Variants in DCTN6 observed in about 807,000 individuals in gnomAD.
The protein encoded by DCTN6 is dynactin 6.
A neutral mutation model predicts 25.8 loss-of-function variants in DCTN6; 15 were observed. The ratio of observed to expected loss-of-function variants is 0.58; its 90% CI spans 0.39 to 0.89. DCTN6 has a LOEUF of 0.89. Ranked by LOEUF, DCTN6 falls within the 40% of genes least tolerant of loss-of-function variation. The pLI, the probability that DCTN6 is intolerant of heterozygous loss-of-function variation, is 0.00. For synonymous variants in DCTN6, 64 were observed against 78.3 expected, an observed-to-expected ratio of 0.82 and a Z score of 0.96; for missense variants, 198 against 237.6, an observed-to-expected ratio of 0.83 and a Z score of 1.09.
intron 4 of DCTN6, among the ~76,000 whole-genome samples, chr8:30,178,626 A>G (rs1384069506): frequency 6.6e-6 from 1 of 152,152 alleles, no homozygotes; most frequent in Non-Finnish European, 1.5e-5. Flanking sequence ...AGCATTAAGC[A>G]GTCATTTAAA....
chr8:30,180,281 TAGC>T (rs1378945015), intron 5 of DCTN6, among the ~76,000 whole-genome samples: 36 of 152,230 alleles, frequency 2.4e-4, no homozygotes, highest in African/African-American at 8.4e-4. Flanking sequence ...GTCACACAAA[TAGC>T]AGCAGAGCTC....
chr8:30,179,584 C>A, intron 5 of DCTN6, 129 bp downstream of exon 5: 1 of 688,724 alleles, frequency 1.5e-6, no homozygotes, highest in Non-Finnish European at 2.4e-6. Context: ...AGCTGGCGAA[C>A]TAATTGTTTG....
chr8:30,159,830 C>T (rs1803575100), intron 1 of DCTN6, among the ~76,000 whole-genome samples: 1 of 150,956 alleles, frequency 6.6e-6, no homozygotes, highest in African/African-American at 2.4e-5. Flanking sequence ...GGTGCAATCT[C>T]AGCTCACTGC....
chr8:30,156,705 G>A (rs1198914148), intron 1 of DCTN6, among the ~76,000 whole-genome samples: 1 of 152,166 alleles, frequency 6.6e-6, no homozygotes, highest in Non-Finnish European at 1.5e-5. Context: ...GCTGTGAGGG[G>A]AGGGTGACGT....
chr8:30,169,234 T>G (rs1672629796), intron 2 of DCTN6, among the ~76,000 whole-genome samples: 1 of 152,188 alleles, frequency 6.6e-6, no homozygotes, highest in Admixed American at 6.5e-5. Context: ...TATAAAGCAC[T>G]CTTACAGGTA....
At chr8:30,158,257 A>G (rs937593917) in intron 1 of DCTN6, among the ~76,000 whole-genome samples, 26 of 152,240 alleles carry the variant, frequency 1.7e-4, no homozygotes, top group African/African-American at 4.8e-5. Context: ...CATAATGAGA[A>G]GGAAGCTGAG....
chr8:30,158,192 GTCTC>G (rs1318224918), intron 1 of DCTN6, among the ~76,000 whole-genome samples: 2 of 152,308 alleles, frequency 1.3e-5, no homozygotes, highest in East Asian at 3.9e-4. Context: ...GCATTTGTGA[GTCTC>G]TCCTACTCTC....
intron 2 of DCTN6, among the ~76,000 whole-genome samples, chr8:30,167,223 T>A (rs1000824904): frequency 5.9e-5 from 9 of 152,104 alleles, no homozygotes; most frequent in African/African-American, 9.7e-5. Context: ...TCCCAGCTAC[T>A]TGAGAGGGCT....
At chr8:30,175,043 A>G (rs1803812367) in intron 2 of DCTN6, 42 bp from the exon 3 acceptor site, 3 of 1,569,246 alleles carry the variant, frequency 1.9e-6, no homozygotes, top group Non-Finnish European at 2.6e-6. Flanking sequence ...TGTTGGAAGC[A>G]TAGCCTCCAC....
At chr8:30,160,263 C>G (rs1008245972) in intron 1 of DCTN6, among the ~76,000 whole-genome samples, 5 of 152,182 alleles carry the variant, frequency 3.3e-5, no homozygotes, top group African/African-American at 1.2e-4. Flanking sequence ...CCGTTTCCCC[C>G]ATCCTGTTCT....
intron 3 of DCTN6, among the ~76,000 whole-genome samples, chr8:30,175,462 A>T (rs1803818700): frequency 6.6e-6 from 1 of 151,436 alleles, no homozygotes; most frequent in Non-Finnish European, 1.5e-5. Flanking sequence ...TATCTCACCC[A>T]TTCCTTAAGC....
intron 1 of DCTN6, among the ~76,000 whole-genome samples, chr8:30,158,028 C>G (rs1803549754): frequency 1.4e-5 from 2 of 144,324 alleles, no homozygotes. Flanking sequence ...GCTCACCTCT[C>G]TGCTCCCACC....
At chr8:30,174,994 C>T in intron 2 of DCTN6, 91 bp from the exon 3 acceptor site, 1 of 1,197,184 alleles carries the variant, frequency 8.4e-7, no homozygotes, top group South Asian at 1.3e-5. Context: ...AATGTTCCTC[C>T]CAACAGCCTC....
chr8:30,174,468 G>A (rs1803804828), intron 2 of DCTN6, among the ~76,000 whole-genome samples: 1 of 152,022 alleles, frequency 6.6e-6, no homozygotes, highest in African/African-American at 2.4e-5. Flanking sequence ...AAGTAGCTGG[G>A]ACTACAGGCG....
intron 2 of DCTN6, among the ~76,000 whole-genome samples, chr8:30,174,591 C>T (rs1803806550): frequency 6.6e-6 from 1 of 152,144 alleles, no homozygotes; most frequent in South Asian, 2.1e-4. Context: ...CCGCCTTGGC[C>T]TCCACATTTC....
intron 3 of DCTN6, among the ~76,000 whole-genome samples, chr8:30,176,108 C>G (rs1487656210): frequency 6.6e-6 from 1 of 152,198 alleles, no homozygotes; most frequent in Non-Finnish European, 1.5e-5. Flanking sequence ...GTTTCACAAT[C>G]CCAAATGATT....
chr8:30,180,467 C>A, intron 5 of DCTN6, 21 bp from the exon 6 acceptor site: 1 of 1,602,942 alleles, frequency 6.2e-7, no homozygotes, highest in African/African-American at 1.3e-5. Flanking sequence ...AGTTGCAGTT[C>A]TTTCTGTGTT....
At position 30,183,583 on chromosome 8, in the gene DCTN6, C is replaced by A. The variant is rs1271103249; in HGVS notation, c.*410C>A. The A allele has an allele frequency of 6.5e-6, 1 of 152,736 alleles. No homozygotes were observed. Among genetic ancestry groups the A allele is most frequent in the Non-Finnish European group, 1.5e-5 (1 of 68,518 alleles). The allele number at this position is 152,736 out of a possible 1,614,324, so 9.5% of individuals were successfully genotyped here. ...AATCAGTTTTTCTCCTTGAATTAATCTTTTCTCTTAATTTTTATTATGTAC... is the reference window on the plus strand; with the variant it reads ...AATCAGTTTTTCTCCTTGAATTAATATTTTCTCTTAATTTTTATTATGTAC... On this transcript the variant is annotated 3_prime_UTR_variant, in exon 7 of 7. Transcript: ENST00000221114.
intron 4 of DCTN6, among the ~76,000 whole-genome samples, chr8:30,178,175 A>G (rs1803866433): frequency 6.6e-6 from 1 of 152,166 alleles, no homozygotes; most frequent in Non-Finnish European, 1.5e-5. Context: ...AAAAGATAGT[A>G]AAATCAGGGC....
Sources: gnomAD v4.1 joint callset for allele counts (sites outside exome capture counted in the v4.1 genomes callset) on GRCh38, gnomAD v4.1.1 for gene constraint, MANE v1.5 for transcripts, NCBI Gene and HGNC (gene_info 2026-07-23, HGNC 2026-07-21) for gene names.